Variants in CDIPT observed in about 807,000 individuals in gnomAD.
The protein encoded by CDIPT is CDP-diacylglycerol--inositol 3-phosphatidyltransferase.
Under a neutral mutation model 21.6 loss-of-function variants are expected in CDIPT, and 17 were observed. The ratio of observed to expected loss-of-function variants is 0.79; its 90% confidence interval spans 0.54 to 1.18. The LOEUF (loss-of-function observed/expected upper bound fraction) is 1.18, where lower values mean the gene tolerates loss of function less well. Ranked by LOEUF, CDIPT falls within the 50% of genes most tolerant of loss-of-function variation. The pLI is 0.00. For synonymous variants in CDIPT, 119 were observed against 117.9 expected (o/e 1.01, Z -0.06); for missense variants, 254 against 284.9 (o/e 0.89, Z 0.78).
chr16:29,861,481 AGGAG>A (rs1187812697), intron 2 of CDIPT: 1 of 1,536,052 alleles, frequency 6.5e-7, no homozygotes. Context: ...ACAGGGTAGG[AGGAG>A]AGGAAAGCTA....
At position 29,862,621 on chromosome 16, in the gene CDIPT, G is replaced by A; in HGVS notation, c.143C>T (p.Ala48Val). The A allele has an allele frequency of 1.9e-6, 3 of 1,601,770 alleles. No individual in the cohort carries two copies. The highest frequency in any genetic ancestry group is 2.6e-6 in the Non-Finnish European group (3 of 1,174,156). ...SFYLLSGLLD[A>V]FDGHAARALN... is the part of the protein sequence containing the mutation. ...AGCGCGAGCAGCGTGTCCATCGAAAGCGTCCAGCAGGCCGCTGAGCAGGTA... is the reference window on the plus strand; with the variant it reads ...AGCGCGAGCAGCGTGTCCATCGAAAACGTCCAGCAGGCCGCTGAGCAGGTA... Residue 48 changes from alanine (A) to valine (V), a missense_variant, in exon 2 of 6, where the codon GCT (alanine) becomes GTT (valine). Coordinates refer to ENST00000219789, the MANE Select transcript of CDIPT (RefSeq NM_006319.5). The surrounding 1 kb of genome is among the most constrained non-coding windows in gnomAD (Gnocchi z 6.7).
intron 4 of CDIPT, among the ~76,000 whole-genome samples, chr16:29,860,358 C>T (rs2067669793): frequency 6.6e-6 from 1 of 152,222 alleles, no homozygotes; most frequent in South Asian, 2.1e-4. Context: ...CTTTCAGTCC[C>T]TTCTCTTTGC....
Position 29,859,591 on chromosome 16 carries a change from C to T in CDIPT, c.415-68G>A. On this transcript the variant is annotated intron_variant, in intron 4 of 5. Transcript: ENST00000219789. This position sits in a 1 kb window ranked among gnomAD's most constrained non-coding sequence, Gnocchi z 4.5. ...TGTGCCACCCCCTGCCCCCCCAGCACTAATGAAGGCACAATCTCGGCATAT... is the reference window on the plus strand; with the variant it reads ...TGTGCCACCCCCTGCCCCCCCAGCATTAATGAAGGCACAATCTCGGCATAT... 2.1e-6 allele frequency: 2 copies of T among 972,636 alleles called. No homozygotes were observed. Among genetic ancestry groups the T allele is most frequent in the African/African-American group, 1.6e-5 (1 of 62,310 alleles). The allele number at this position is 972,636 out of a possible 1,614,324, so 60.3% of individuals were successfully genotyped here.
At chr16:29,861,404 C>T (rs1567402601) in intron 2 of CDIPT, 145 bp from the exon 3 acceptor site, 2 of 1,545,672 alleles carry the variant, frequency 1.3e-6, no homozygotes, top group Middle Eastern at 1.7e-4. Context: ...AGAAAACAGG[C>T]TGTGTGTGAG....
chr16:29,860,620 C>T lies in CDIPT; in HGVS notation c.375G>A (p.Leu125=), dbSNP rs199927687. Residue 125 remains leucine (L), a synonymous_variant, in exon 4 of 6, where the codon TTG becomes TTA. Transcript: ENST00000219789. The part of the protein sequence containing the change: ...RGSESHKMID[L]SGNPVLRIYY... ...AGATCCGAAGCACCGGATTCCCGGACAAGTCGATCATCTTGTGACTCTCAC... is the reference window on the plus strand; with the variant it reads ...AGATCCGAAGCACCGGATTCCCGGATAAGTCGATCATCTTGTGACTCTCAC... 4.3e-6 allele frequency: 7 copies of T among 1,613,278 alleles called. No homozygotes were observed. In the East Asian group the frequency reaches 1.6e-4, roughly 36 times the overall value.
In CDIPT at chr16:29,859,213, T is replaced by C; in HGVS notation, c.618A>G (p.Ala206=). The change falls in exon 6 of 6, where the codon GCA becomes GCG. Residue 206 remains alanine (A), a synonymous_variant. Coordinates refer to ENST00000219789, the MANE Select transcript of CDIPT (RefSeq NM_006319.5). This position sits in a 1 kb window ranked among gnomAD's most constrained non-coding sequence, Gnocchi z 4.5. ...TAARNMAALD[A]ADRAKKK ...GTCACTTCTTCTTGGCGCGGTCTGC[T>C]GCGTCCAGGGCAGCCATGTTGCGGG... 2 of 1,597,648 alleles carry C rather than the reference T, an allele frequency of 1.3e-6. No homozygotes were observed. The highest frequency in any genetic ancestry group is 1.7e-6 in the Non-Finnish European group (2 of 1,173,228).
At chr16:29,861,642 C>T in intron 2 of CDIPT, 6 of 731,476 alleles carry the variant, frequency 8.2e-6, no homozygotes, top group Non-Finnish European at 1.3e-5. Flanking sequence ...TCTCCATCCT[C>T]CCTCTAAGCA....
rs1199051391 is a variant in CDIPT, at chr16:29,859,193, T to C, written c.638A>G (p.Lys213Arg). 1 of 1,595,474 alleles carries C rather than the reference T, an allele frequency of 6.3e-7. No homozygotes were observed. Among genetic ancestry groups the C allele is most frequent in the Non-Finnish European group, 8.5e-7 (1 of 1,172,482 alleles). The change falls in exon 6 of 6, where the codon AAG becomes AGG. Residue 213 changes from lysine to arginine, a missense_variant. Physicochemically the swap from Lys to Arg is conservative, Grantham distance 26. Transcript: ENST00000219789. The surrounding 1 kb of genome is among the most constrained non-coding windows in gnomAD (Gnocchi z 4.5). ...ALDAADRAKK[K>R] ...CCAGGACCCGGGGCTCCAGCGTCAC[T>C]TCTTCTTGGCGCGGTCTGCTGCGTC...
In CDIPT at chr16:29,863,037, C is replaced by T; in HGVS notation, c.-180G>A. ...CAGCCGTCGGGAGCATGGACCGGCC[C>T]CGAGGTGCGCGGGACGCAGGGGGCG... On this transcript the variant is annotated 5_prime_UTR_variant, in exon 1 of 6. Coordinates refer to ENST00000219789, the MANE Select transcript of CDIPT (RefSeq NM_006319.5). 1 of 721,304 alleles carries T rather than the reference C, an allele frequency of 1.4e-6. No individual in the cohort carries two copies. Among genetic ancestry groups the T allele is most frequent in the Non-Finnish European group, 2.4e-6 (1 of 422,272 alleles). 44.7% of individuals were successfully genotyped at this position (721,304 alleles called of 1,614,324 possible).
chr16:29,862,669 C>T lies in CDIPT; in HGVS notation c.95G>A (p.Cys32Tyr), dbSNP rs1162910668. The T allele has an allele frequency of 6.2e-7, 1 of 1,613,780 alleles. No individual in the cohort carries two copies. The highest frequency in any genetic ancestry group is 1.3e-5 in the African/African-American group (1 of 75,030). ...AIISFYFMPC[C>Y]PLTASSFYLL... Reference sequence around the variant, plus strand: ...GTAGAAGGAGGAGGCCGTGAGGGGGCAGCAGGGCATGAAGTAGAAAGAAAT... The same window carrying T: ...GTAGAAGGAGGAGGCCGTGAGGGGGTAGCAGGGCATGAAGTAGAAAGAAAT... The change falls in exon 2 of 6, where the codon TGC (cysteine) becomes TAC (tyrosine). Residue 32 changes from cysteine to tyrosine, a missense_variant. Physicochemically the swap from Cys to Tyr is radical, Grantham distance 194. Transcript: ENST00000219789. The surrounding 1 kb of genome is among the most constrained non-coding windows in gnomAD (Gnocchi z 6.7).
Position 29,858,870 on chromosome 16 carries a change from C to A in CDIPT, c.*319G>T. On this transcript the variant is annotated 3_prime_UTR_variant, in exon 6 of 6. Transcript: ENST00000219789. ...CCTTTCAGGAAACCTGGCCCTCACA[C>A]CACCTCCCTCACTCAAGCGTCCCTA... 3.2e-6 allele frequency: 1 copy of A among 314,032 alleles called. No individual in the cohort carries two copies. Among genetic ancestry groups the A allele is most frequent in the Non-Finnish European group, 6.0e-6 (1 of 167,260 alleles). 19.5% of individuals were successfully genotyped at this position (314,032 alleles called of 1,614,324 possible).
chr16:29,859,924 G>A lies in CDIPT; in HGVS notation c.415-401C>T, dbSNP rs1038098561. 9.9e-5 allele frequency among the ~76,000 whole-genome samples: 15 copies of A among 152,046 alleles called. No homozygotes were observed. The highest frequency in any genetic ancestry group is 1.4e-4 in the African/African-American group (6 of 41,384). On this transcript the variant is annotated intron_variant, in intron 4 of 5. Transcript: ENST00000219789. The surrounding 1 kb of genome is among the most constrained non-coding windows in gnomAD (Gnocchi z 4.5). ...GGAGGCTGAGGCACAAGAATCGCTT[G>A]AACCCAGCAGGCAGAGGTTGCAGTG...
At chr16:29,861,535 CTAGA>C (rs2067683048) in intron 2 of CDIPT, 5 of 1,527,806 alleles carry the variant, frequency 3.3e-6, no homozygotes, top group Non-Finnish European at 4.4e-6. Flanking sequence ...GACTCCAGGG[CTAGA>C]TAGAGACTTG....
chr16:29,858,833 G>A lies in CDIPT; in HGVS notation c.*356C>T. Reference sequence around the variant, plus strand: ...AAGCTTGCTCTGGCTGGGGGCGGAGGTCTGACTCCCGCCTTTCAGGAAACC... The same window carrying A: ...AAGCTTGCTCTGGCTGGGGGCGGAGATCTGACTCCCGCCTTTCAGGAAACC... On this transcript the variant is annotated 3_prime_UTR_variant, in exon 6 of 6. Coordinates refer to ENST00000219789, the MANE Select transcript of CDIPT (RefSeq NM_006319.5). 4.0e-6 allele frequency: 1 copy of A among 252,804 alleles called. No homozygotes were observed. The highest frequency in any genetic ancestry group is 7.7e-6 in the Non-Finnish European group (1 of 129,276). The allele number at this position is 252,804 out of a possible 1,614,324, so 15.7% of individuals were successfully genotyped here. A position where few individuals can be genotyped will look rare whatever the true frequency, so the allele number is the denominator to read the frequency against.
chr16:29,860,711 G>GCATCCAATCCTCATGTTAA, intron 3 of CDIPT, 49 bp from the exon 4 acceptor site: 1 of 1,048,692 alleles, frequency 9.5e-7, no homozygotes, highest in Non-Finnish European at 1.5e-6. Flanking sequence ...CCACTACCAT[G>GCATCCAATCCTCATGTTAA]CATCCAATCC....
At chr16:29,861,975 C>T (rs917020186) in intron 2 of CDIPT, among the ~76,000 whole-genome samples, 2 of 152,138 alleles carry the variant, frequency 1.3e-5, no homozygotes, top group African/African-American at 4.8e-5. Flanking sequence ...TCGTGATCCA[C>T]CCACCTCGGC....
intron 3 of CDIPT, 146 bp downstream of exon 3, chr16:29,860,960 G>T: frequency 1.4e-6 from 1 of 733,596 alleles, no homozygotes; most frequent in Non-Finnish European, 2.2e-6. Flanking sequence ...AGAGAGGCAG[G>T]TTTGCCTGGG....
At position 29,862,607 on chromosome 16, in the gene CDIPT, C is replaced by T. The variant is rs1210692559; in HGVS notation, c.157G>A (p.Ala53Thr). The T allele has an allele frequency of 6.3e-7, 1 of 1,590,026 alleles. No homozygotes were observed. Among genetic ancestry groups the T allele is most frequent in the Non-Finnish European group, 8.6e-7 (1 of 1,168,202 alleles). The change falls in exon 2 of 6, where the codon GCT becomes ACT. Residue 53 changes from alanine to threonine, a missense_variant. By Grantham distance (58) the Ala-to-Thr change is moderately conservative (BLOSUM62 0). Transcript: ENST00000219789. The surrounding 1 kb of genome is among the most constrained non-coding windows in gnomAD (Gnocchi z 6.7). ...SGLLDAFDGH[A>T]ARALNQGTRF... Reference sequence around the variant, plus strand: ...TCACCTTGATTAAGAGCGCGAGCAGCGTGTCCATCGAAAGCGTCCAGCAGG... The same window carrying T: ...TCACCTTGATTAAGAGCGCGAGCAGTGTGTCCATCGAAAGCGTCCAGCAGG...
Position 29,860,588 on chromosome 16 carries a change from G to T in CDIPT, c.407C>A (p.Thr136Asn). Residue 136 changes from threonine (T) to asparagine (N), a missense_variant, in exon 4 of 6, where the codon ACC (threonine) becomes AAC (asparagine). Transcript: ENST00000219789. Reference protein sequence around the residue: ...SGNPVLRIYYTSRPALFTLCA... With the variant: ...SGNPVLRIYYNSRPALFTLCA... ...TGTGCAGGAAATGCTTACCCTCGAG[G>T]TGTAGTAGATCCGAAGCACCGGATT... The T allele has an allele frequency of 1.9e-6, 3 of 1,605,456 alleles. No homozygotes were observed. Among genetic ancestry groups the T allele is most frequent in the African/African-American group, 1.3e-5 (1 of 74,874 alleles).
Sources: gnomAD v4.1 joint callset for allele counts (sites outside exome capture counted in the v4.1 genomes callset) on GRCh38, gnomAD v4.1.1 for gene constraint, Gnocchi (gnomAD v3.1) non-coding constraint, MANE v1.5 for transcripts, NCBI Gene and HGNC (gene_info 2026-07-23, HGNC 2026-07-21) for gene names.